Variants in CNTRL observed in about 807,000 individuals in gnomAD.
The protein encoded by CNTRL is 110 kDa centrosomal protein.
In CNTRL, 233 loss-of-function variants were observed where a neutral mutation model predicts 303.7. That is an observed-to-expected ratio of 0.77 (90% CI 0.69 to 0.86). The LOEUF (loss-of-function observed/expected upper bound fraction) is 0.86. Among genes scored for constraint, CNTRL ranks in the 40% least tolerant of loss-of-function variants. The pLI is 0.00. For synonymous variants in CNTRL, 900 were observed against 922.2 expected (o/e 0.98, Z 0.44); for missense variants, 2,524 against 2,650.6 (o/e 0.95, Z 1.05).
At position 121,125,784 on chromosome 9, in the gene CNTRL, CT is replaced by C. The variant is rs1165705663; in HGVS notation, c.1874del (p.Leu625ArgfsTer29). 1 of 1,613,996 alleles carries C rather than the reference CT, an allele frequency of 6.2e-7. No homozygotes were observed. Among genetic ancestry groups the C allele is most frequent in the African/African-American group, 1.3e-5 (1 of 74,908 alleles). Reference protein sequence around the residue: ...EGVISGLQEYLGTIKGQATQA... With the variant: ...EGVISGLQEYXGTIKGQATQA... ...TGTTATCAGTGGGTTGCAAGAATAC[CT>C]GGGGACCATTAAAGGCCAGGCAACT... On this transcript the variant is annotated frameshift_variant, in exon 14 of 44. Coordinates refer to ENST00000373855, the MANE Select transcript of CNTRL (RefSeq NM_007018.6). LOFTEE classifies it high-confidence loss of function.
At chr9:121,093,662 G>T (rs1025280106) in intron 4 of CNTRL, among the ~76,000 whole-genome samples, 1 of 152,132 alleles carries the variant, frequency 6.6e-6, no homozygotes, top group Admixed American at 6.5e-5. Flanking sequence ...TTATATAGAA[G>T]AAATCTGAAC....
chr9:121,121,352 G>T (rs1172304916), intron 12 of CNTRL, among the ~76,000 whole-genome samples: 1 of 152,152 alleles, frequency 6.6e-6, no homozygotes, highest in African/African-American at 2.4e-5. Context: ...TATTGTTTTA[G>T]AAAGAGGTGG....
Position 121,089,667 on chromosome 9 carries a change from TA to T in CNTRL, c.218-601del, listed in dbSNP as rs1322932105. On this transcript the variant is annotated intron_variant, in intron 3 of 43. Coordinates refer to ENST00000373855, the MANE Select transcript of CNTRL (RefSeq NM_007018.6). The stretch of plus-strand genomic sequence containing the variant: ...TTCTGAACTTTAGATTGGAATTTTC[TA>T]AAAAAACAAACAACTAAGTATTACC... Among the ~76,000 whole-genome samples the T allele has an allele frequency of 3.9e-5, 6 of 152,258 alleles. No individual in the cohort carries two copies. The East Asian group carries it at 1.2e-3, about 29-fold the overall frequency.
intron 14 of CNTRL, among the ~76,000 whole-genome samples, chr9:121,131,229 G>A (rs2050837393): frequency 3.3e-5 from 5 of 152,044 alleles, no homozygotes; most frequent in Admixed American, 3.3e-4. Context: ...TTGACAGTGG[G>A]GTGTTAAAGT....
intron 27 of CNTRL, among the ~76,000 whole-genome samples, chr9:121,156,300 T>C (rs2052568024): frequency 6.6e-6 from 1 of 152,126 alleles, no homozygotes; most frequent in African/African-American, 2.4e-5. Context: ...TTCTTTCACC[T>C]TCATCCTCCC....
chr9:121,098,312 G>C, intron 6 of CNTRL, 74 bp from the exon 7 acceptor site: 4 of 1,157,322 alleles, frequency 3.5e-6, no homozygotes, highest in Non-Finnish European at 3.7e-6. Flanking sequence ...AAATTTCCTT[G>C]ATTTGTAACT....
chr9:121,077,335 A>T (rs1449913875), intron 1 of CNTRL, among the ~76,000 whole-genome samples: 1 of 151,556 alleles, frequency 6.6e-6, no homozygotes, highest in East Asian at 1.9e-4. Context: ...GTGATTGCAA[A>T]CAACATCCTA....
At chr9:121,107,701 C>T in intron 7 of CNTRL, 101 bp from the exon 8 acceptor site, 1 of 775,034 alleles carries the variant, frequency 1.3e-6, no homozygotes, top group Non-Finnish European at 2.0e-6. Context: ...ATTGTATTTA[C>T]AATATTTTTA....
chr9:121,172,280 C>A (rs916713946), intron 40 of CNTRL, among the ~76,000 whole-genome samples: 1 of 152,202 alleles, frequency 6.6e-6, no homozygotes, highest in East Asian at 1.9e-4. Context: ...TCATATTTCA[C>A]TAAGCTCTAT....
intron 40 of CNTRL, 115 bp from the exon 41 acceptor site, chr9:121,173,125 CTAG>C: frequency 1.1e-6 from 1 of 886,130 alleles, no homozygotes; most frequent in Non-Finnish European, 1.7e-6. Flanking sequence ...TTTTACAGTT[CTAG>C]TAATCATAGT....
chr9:121,123,192 G>A (rs922061953), intron 12 of CNTRL, among the ~76,000 whole-genome samples: 1 of 151,988 alleles, frequency 6.6e-6, no homozygotes, highest in Non-Finnish European at 1.5e-5. Flanking sequence ...CTTCCACCCA[G>A]GTATAATTCT....
intron 34 of CNTRL, 132 bp downstream of exon 34, chr9:121,162,403 C>G: frequency 1.4e-6 from 1 of 738,786 alleles, no homozygotes; most frequent in Non-Finnish European, 2.3e-6. Flanking sequence ...ATACATTTTG[C>G]CAGTTGCATT....
Position 121,154,777 on chromosome 9 carries a change from C to T in CNTRL, c.4229C>T (p.Ser1410Leu), listed in dbSNP as rs772835350. 9.3e-6 allele frequency: 15 copies of T among 1,611,766 alleles called. No individual in the cohort carries two copies. Among genetic ancestry groups the T allele is most frequent in the South Asian group, 5.5e-5 (5 of 90,980 alleles). Residue 1410 changes from serine (S) to leucine (L), a missense_variant, in exon 27 of 44, where the codon TCA becomes TTA. Transcript: ENST00000373855. Reference sequence around the variant, plus strand: ...ATGACTGAACTAGAAATAGAAAAATCACTCAAACATCATGAAGATATTGTA... The same window carrying T: ...ATGACTGAACTAGAAATAGAAAAATTACTCAAACATCATGAAGATATTGTA... Reference protein sequence around the residue: ...SLMTELEIEKSLKHHEDIVDE... With the variant: ...SLMTELEIEKLLKHHEDIVDE...
intron 23 of CNTRL, among the ~76,000 whole-genome samples, chr9:121,147,427 A>G (rs777775446): frequency 2.0e-5 from 3 of 152,188 alleles, no homozygotes; most frequent in Non-Finnish European, 4.4e-5. Context: ...GTTTAGGAAT[A>G]ATATTCTGGC....
intron 12 of CNTRL, chr9:121,122,254 G>GTTA (rs1466784089): frequency 1.0e-4 from 29 of 276,492 alleles, no homozygotes; most frequent in Admixed American, 1.9e-4. Context: ...AATGTAAGCT[G>GTTA]TTATATGTAG....
chr9:121,099,592 G>T (rs1009839309), intron 7 of CNTRL, among the ~76,000 whole-genome samples: 1 of 151,922 alleles, frequency 6.6e-6, no homozygotes, highest in Non-Finnish European at 1.5e-5. Context: ...TCAGAAGATC[G>T]GTAATAACAA....
In CNTRL at chr9:121,115,229, G is replaced by C. The variant is rs368245806; in HGVS notation, c.1455+29G>C. The C allele has an allele frequency of 4.8e-6, 6 of 1,245,396 alleles. No homozygotes were observed. The African/African-American group carries it at 9.1e-5, about 19-fold the overall frequency. 77.1% of individuals were successfully genotyped at this position (1,245,396 alleles called of 1,614,324 possible). A position where few individuals can be genotyped will look rare whatever the true frequency, so the allele number is the denominator to read the frequency against. On this transcript the variant is annotated intron_variant, in intron 11 of 43. Coordinates refer to ENST00000373855, the MANE Select transcript of CNTRL (RefSeq NM_007018.6). Reference sequence around the variant, plus strand: ...TGTAAAAGCAAAGCAGCAATGCTAAGAGGAAATGAAAAATGAAATGTGTTT... The same window carrying C: ...TGTAAAAGCAAAGCAGCAATGCTAACAGGAAATGAAAAATGAAATGTGTTT...
intron 14 of CNTRL, among the ~76,000 whole-genome samples, chr9:121,129,706 T>C (rs9792422): frequency 0.36 from 54,360 of 152,098 alleles, 12,089 homozygotes; most frequent in South Asian, 0.64. Flanking sequence ...CATCCCTGTC[T>C]TGTGCCAGTT....
At chr9:121,135,032 A>T (rs1456605994) in intron 14 of CNTRL, among the ~76,000 whole-genome samples, 1 of 152,256 alleles carries the variant, frequency 6.6e-6, no homozygotes, top group Non-Finnish European at 1.5e-5. Context: ...ATTCTTTTGT[A>T]GAAGTTCTCA....
Sources: gnomAD v4.1 joint callset for allele counts (sites outside exome capture counted in the v4.1 genomes callset) on GRCh38, gnomAD v4.1.1 for gene constraint, MANE v1.5 for transcripts, NCBI Gene and HGNC (gene_info 2026-07-23, HGNC 2026-07-21) for gene names.